The following LAMC1 variants were observed in gnomAD, a reference collection of about 807,000 sequenced individuals.
The protein encoded by LAMC1 is laminin subunit gamma-1.
LAMC1 carries 38 observed loss-of-function variants against 173.6 expected under a neutral mutation model. The ratio of observed to expected loss-of-function variants is 0.22; its 90% CI spans 0.17 to 0.29. LAMC1 has a LOEUF of 0.29. Ranked by LOEUF, LAMC1 falls within the 10% of genes least tolerant of loss-of-function variation. The pLI, the probability that LAMC1 is intolerant of heterozygous loss-of-function variation, is 1.00. For missense variants in LAMC1, 1,824 were observed against 2,051.8 expected, an observed-to-expected ratio of 0.89 and a Z score of 2.14; for synonymous variants, 746 against 749.1, an observed-to-expected ratio of 1.00 and a Z score of 0.07.
intron 11 of LAMC1, among the ~76,000 whole-genome samples, chr1:183,118,954 A>G (rs1467269108): frequency 6.6e-6 from 1 of 151,980 alleles, no homozygotes; most frequent in Non-Finnish European, 1.5e-5. Context: ...GCTGTGGTGC[A>G]ATAGCATGAT....
rs1484458839 is a variant in LAMC1 at position 183,117,067 on chromosome 1, A to T, written c.1564+164A>T. On this transcript the variant is annotated intron_variant, in intron 8 of 27. Coordinates refer to ENST00000258341, the MANE Select transcript of LAMC1 (RefSeq NM_002293.4). ...TAGTTTGGCCTTTTAATTTAATGAAAATGTACTTTTGGCTTTAGAATTTAT... is the reference window on the plus strand; with the variant it reads ...TAGTTTGGCCTTTTAATTTAATGAATATGTACTTTTGGCTTTAGAATTTAT... The T allele has an allele frequency of 5.2e-6, 4 of 770,294 alleles. No individual in the cohort carries two copies. In the African/African-American group the frequency reaches 7.0e-5, roughly 13 times the overall value. The allele number at this position is 770,294 out of a possible 1,614,324, so 47.7% of individuals were successfully genotyped here.
At position 183,103,497 on chromosome 1, in the gene LAMC1, A is replaced by G. The variant is rs1328879384; in HGVS notation, c.588A>G (p.Thr196=). The change falls in exon 2 of 28, where the codon ACA becomes ACG. Residue 196 remains threonine, a synonymous_variant. Coordinates refer to ENST00000258341, the MANE Select transcript of LAMC1 (RefSeq NM_002293.4). ...YSKANRGFIR[T]GGDEQQALCT... ...AGGCAAACCGCGGCTTCATCAGGAC[A>G]GGAGGGGACGAGCAGCAGGCCTTGT... is the stretch of plus-strand genomic sequence containing the variant. 1 of 1,614,240 alleles carries G rather than the reference A, an allele frequency of 6.2e-7. No homozygotes were observed. Among genetic ancestry groups the G allele is most frequent in the East Asian group, 2.2e-5 (1 of 44,886 alleles).
At chr1:183,100,051 A>G (rs1247592945) in intron 1 of LAMC1, among the ~76,000 whole-genome samples, 1 of 152,188 alleles carries the variant, frequency 6.6e-6, no homozygotes, top group Non-Finnish European at 1.5e-5. Flanking sequence ...AGCAGCTTTG[A>G]CAATGAAACA....
intron 1 of LAMC1, among the ~76,000 whole-genome samples, chr1:183,088,451 A>G (rs1436782912): frequency 6.6e-6 from 1 of 152,252 alleles, no homozygotes; most frequent in Non-Finnish European, 1.5e-5. Context: ...AAAATAGAAT[A>G]TCAGATTGCA....
intron 2 of LAMC1, among the ~76,000 whole-genome samples, chr1:183,106,627 A>G (rs1571443673): frequency 6.6e-6 from 1 of 152,176 alleles, no homozygotes; most frequent in East Asian, 1.9e-4. Context: ...TCCCTAGGAA[A>G]GACTTAAAAT....
intron 20 of LAMC1, among the ~76,000 whole-genome samples, chr1:183,131,658 A>G (rs1403827488): frequency 3.9e-5 from 6 of 152,232 alleles, no homozygotes; most frequent in Non-Finnish European, 1.5e-5. Flanking sequence ...TAATATTTTT[A>G]GATTTTTAAC....
Position 183,142,614 on chromosome 1 carries a change from A to G in LAMC1, c.4654A>G (p.Ser1552Gly), listed in dbSNP as rs200451187. The part of the protein sequence containing the change: ...LNKAKDEMKV[S>G]DLDRKVSDLE... ...CAAAGCCAAAGATGAAATGAAGGTC[A>G]GCGATCTTGATAGGAAAGTGTCTGA... The change falls in exon 28 of 28, where the codon AGC becomes GGC. Residue 1552 changes from serine to glycine, a missense_variant. Transcript: ENST00000258341. The G allele has an allele frequency of 9.9e-6, 16 of 1,614,182 alleles. No homozygotes were observed. The South Asian group carries it at 1.3e-4, about 13-fold the overall frequency.
Position 183,129,518 on chromosome 1 carries a change from C to T in LAMC1, c.3280+768C>T, listed in dbSNP as rs192403475. Among the ~76,000 whole-genome samples the T allele has an allele frequency of 1.4e-3, 217 of 152,042 alleles. 1 individual carries two copies. Among genetic ancestry groups the T allele is most frequent in the African/African-American group, 5.1e-3 (211 of 41,508 alleles). The stretch of plus-strand genomic sequence containing the variant: ...AGCCAAGTTCCAAGTTGGTTTTTTC[C>T]AAACCTGTATTCATCTTCATTGGTC... On this transcript the variant is annotated intron_variant, in intron 18 of 27. Transcript: ENST00000258341.
chr1:183,136,215 G>A (rs976662449), intron 24 of LAMC1, among the ~76,000 whole-genome samples, 171 bp from the exon 25 acceptor site: 1 of 152,178 alleles, frequency 6.6e-6, no homozygotes, highest in African/African-American at 2.4e-5. Flanking sequence ...CACTAACTGG[G>A]AGACCTATTC....
chr1:183,109,286 G>A (rs573508449), intron 3 of LAMC1, among the ~76,000 whole-genome samples: 1 of 152,308 alleles, frequency 6.6e-6, no homozygotes, highest in South Asian at 2.1e-4. Context: ...TAAGAAAACA[G>A]TGGGCCAGGA....
chr1:183,137,639 A>T lies in LAMC1; in HGVS notation c.4315-30A>T, dbSNP rs12072246. The T allele has an allele frequency of 3.1e-4, 457 of 1,489,638 alleles. 2 individuals carry two copies. The African/African-American group carries it at 4.7e-3, about 15-fold the overall frequency. The allele number at this position is 1,489,638 out of a possible 1,614,324, so 92.3% of individuals were successfully genotyped here. On this transcript the variant is annotated intron_variant, in intron 25 of 27. Coordinates refer to ENST00000258341, the MANE Select transcript of LAMC1 (RefSeq NM_002293.4). The stretch of plus-strand genomic sequence containing the variant: ...ACTTGAGAAAAAGGAAAGCTTTTTT[A>T]AAAAAAGTACAATTTTCTTTTGTGC...
chr1:183,040,585 C>A (rs1289593547), intron 1 of LAMC1, among the ~76,000 whole-genome samples: 8 of 151,972 alleles, frequency 5.3e-5, no homozygotes, highest in Non-Finnish European at 1.2e-4. Context: ...AATGTGGCAT[C>A]ATTAGTGTTA....
chr1:183,082,711 G>T (rs1159306361), intron 1 of LAMC1, among the ~76,000 whole-genome samples: 3 of 152,212 alleles, frequency 2.0e-5, no homozygotes, highest in Non-Finnish European at 4.4e-5. Context: ...GGTGATGAAA[G>T]TATCTTTGTC....
In LAMC1 at chr1:183,064,811, G is replaced by A. The variant is rs1654832673; in HGVS notation, c.419-38517G>A. ...ATGAATTTGTAGTTGACAATAATTT[G>A]TATTCATTTTCTGACTTATTCTAGT... On this transcript the variant is annotated intron_variant, in intron 1 of 27. Coordinates refer to ENST00000258341, the MANE Select transcript of LAMC1 (RefSeq NM_002293.4). Among the ~76,000 whole-genome samples the A allele has an allele frequency of 3.3e-5, 5 of 152,128 alleles. No individual in the cohort carries two copies. The South Asian group carries it at 1.0e-3, about 32-fold the overall frequency.
rs1657198868 is a variant in LAMC1 at position 183,144,334 on chromosome 1, T to C, written c.*1544T>C. On this transcript the variant is annotated 3_prime_UTR_variant, in exon 28 of 28. Coordinates refer to ENST00000258341, the MANE Select transcript of LAMC1 (RefSeq NM_002293.4). Reference sequence around the variant, plus strand: ...TATCATGATTATAGAATAAGGAATTTATGTAAATATACTTAGTCCTATTTC... The same window carrying C: ...TATCATGATTATAGAATAAGGAATTCATGTAAATATACTTAGTCCTATTTC... The C allele has an allele frequency of 6.6e-6, 1 of 152,634 alleles. No individual in the cohort carries two copies. The highest frequency in any genetic ancestry group is 6.5e-5 in the Admixed American group (1 of 15,276). The allele number at this position is 152,634 out of a possible 1,614,324, so 9.5% of individuals were successfully genotyped here.
chr1:183,052,605 G>A (rs888053260), intron 1 of LAMC1, among the ~76,000 whole-genome samples: 1 of 152,172 alleles, frequency 6.6e-6, no homozygotes, highest in African/African-American at 2.4e-5. Flanking sequence ...AAAGTGCTGG[G>A]ATTACAGGTG....
At chr1:183,040,557 A>AG (rs563076857) in intron 1 of LAMC1, among the ~76,000 whole-genome samples, 6 of 152,178 alleles carry the variant, frequency 3.9e-5, no homozygotes, top group Non-Finnish European at 8.8e-5. Flanking sequence ...ATAGAAGTGG[A>AG]GGGAAAAAAA....
At chr1:183,057,893 C>T in intron 1 of LAMC1, among the ~76,000 whole-genome samples, 1 of 152,116 alleles carries the variant, frequency 6.6e-6, no homozygotes, top group East Asian at 1.9e-4. Flanking sequence ...ATATTATGTG[C>T]TCTAACTAAA....
chr1:183,066,525 G>C (rs929609762), intron 1 of LAMC1, among the ~76,000 whole-genome samples: 3 of 152,164 alleles, frequency 2.0e-5, no homozygotes, highest in African/African-American at 7.2e-5. Context: ...TTGCAGCACT[G>C]TTCACAATAG....
Sources: gnomAD v4.1 joint callset for allele counts (sites outside exome capture counted in the v4.1 genomes callset) on GRCh38, gnomAD v4.1.1 for gene constraint, MANE v1.5 for transcripts, NCBI Gene and HGNC (gene_info 2026-07-23, HGNC 2026-07-21) for gene names.